The following HP1BP3 variants were observed in gnomAD, a reference collection of about 807,000 sequenced individuals.
HP1BP3 encodes heterochromatin protein 1-binding protein 3.
HP1BP3 carries 12 observed loss-of-function variants against 62.5 expected under a neutral mutation model. That is an observed-to-expected ratio of 0.19 (90% confidence interval 0.12 to 0.31). The LOEUF (loss-of-function observed/expected upper bound fraction) is 0.31, where lower values mean the gene tolerates loss of function less well. Among genes scored for constraint, HP1BP3 ranks in the 10% least tolerant of loss-of-function variants. The probability of loss-of-function intolerance (pLI) is 1.00; values close to 1 mark genes in which losing one functional copy is unlikely to be tolerated. For synonymous variants in HP1BP3, 260 were observed against 237.8 expected (o/e 1.09, Z -0.86); for missense variants, 502 against 651.8 (o/e 0.77, Z 2.50).
At chr1:20,786,875 G>A (rs943696542) in intron 1 of HP1BP3, among the ~76,000 whole-genome samples, 7 of 152,228 alleles carry the variant, frequency 4.6e-5, no homozygotes, top group Non-Finnish European at 8.8e-5. Context: ...GCGCTGGGAC[G>A]CAGGGTCGCA....
intron 9 of HP1BP3, among the ~76,000 whole-genome samples, chr1:20,753,540 T>G (rs1278368726): frequency 6.6e-6 from 1 of 152,194 alleles, no homozygotes; most frequent in Non-Finnish European, 1.5e-5. Flanking sequence ...ATGCCAACAT[T>G]TGGAAAATCT....
At position 20,740,774 on chromosome 1, in the gene HP1BP3, C is replaced by T. The variant is rs891657263; in HGVS notation, c.*4023G>A. ...TCAAAGCTGCAGTGAGCCAAGATCA[C>T]ACCACTGCGCTGCAGCCTTAGTGAC... On this transcript the variant is annotated 3_prime_UTR_variant, in exon 13 of 13. Transcript: ENST00000438032. Among the ~76,000 whole-genome samples the T allele has an allele frequency of 1.3e-5, 2 of 152,230 alleles. No homozygotes were observed. The highest frequency in any genetic ancestry group is 4.8e-5 in the African/African-American group (2 of 41,460).
At chr1:20,751,805 G>A (rs1439722103) in intron 9 of HP1BP3, among the ~76,000 whole-genome samples, 1 of 151,316 alleles carries the variant, frequency 6.6e-6, no homozygotes, top group Non-Finnish European at 1.5e-5. Context: ...TGAAAGGTGT[G>A]GTAACAAAGG....
At chr1:20,778,890 A>C (rs916931020) in intron 3 of HP1BP3, among the ~76,000 whole-genome samples, 14 of 151,892 alleles carry the variant, frequency 9.2e-5, no homozygotes, top group South Asian at 4.1e-4. Flanking sequence ...CCTGGGCTCA[A>C]GCAATTCTTG....
chr1:20,782,835 G>A (rs1335229127), intron 1 of HP1BP3, among the ~76,000 whole-genome samples: 6 of 147,424 alleles, frequency 4.1e-5, no homozygotes, highest in Non-Finnish European at 7.4e-5. Flanking sequence ...GGGAGGCGGA[G>A]ATTGCAGTGA....
chr1:20,742,677 G>T lies in HP1BP3; in HGVS notation c.*2120C>A, dbSNP rs761924595. ...ACCTTTAAATATAAGCTACGGTTCA[G>T]CAGCTTTTAAAATTTCATGTTTATT... On this transcript the variant is annotated 3_prime_UTR_variant, in exon 13 of 13. Coordinates refer to ENST00000438032, the MANE Select transcript of HP1BP3 (RefSeq NM_001372052.1). 3 of 152,570 alleles carry T rather than the reference G, an allele frequency of 2.0e-5. No individual in the cohort carries two copies. Among genetic ancestry groups the T allele is most frequent in the Non-Finnish European group, 4.4e-5 (3 of 68,038 alleles). 9.5% of individuals were successfully genotyped at this position (152,570 alleles called of 1,614,324 possible). A position where few individuals can be genotyped will look rare whatever the true frequency, so the allele number is the denominator to read the frequency against.
At chr1:20,780,591 C>T (rs2057498792) in intron 1 of HP1BP3, 51 bp from the exon 2 acceptor site, 1 of 588,290 alleles carries the variant, frequency 1.7e-6, no homozygotes, top group Non-Finnish European at 3.1e-6. Flanking sequence ...CAAAACTAAA[C>T]TAAAACGTCT....
At chr1:20,756,380 A>C (rs1487576465) in intron 9 of HP1BP3, among the ~76,000 whole-genome samples, 1 of 152,130 alleles carries the variant, frequency 6.6e-6, no homozygotes, top group African/African-American at 2.4e-5. Context: ...GCAAAAATGT[A>C]AACAGTGCCT....
chr1:20,767,572 T>A lies in HP1BP3; in HGVS notation c.735+12A>T, dbSNP rs113717726. ...GCTCCACAGCACTCAAACTGTGGTA[T>A]AGATGTCTTACCTTTCTGTTTCTGG... On this transcript the variant is annotated intron_variant, in intron 7 of 12. Coordinates refer to ENST00000438032, the MANE Select transcript of HP1BP3 (RefSeq NM_001372052.1). The A allele has an allele frequency of 6.4e-7, 1 of 1,569,524 alleles. No homozygotes were observed.
At chr1:20,768,071 A>G (rs1186798846) in intron 6 of HP1BP3, among the ~76,000 whole-genome samples, 1 of 152,232 alleles carries the variant, frequency 6.6e-6, no homozygotes, top group Admixed American at 6.5e-5. Context: ...CCTTGGAAAA[A>G]GTTTAGAGCC....
chr1:20,746,185 T>C (rs927543959), intron 11 of HP1BP3, among the ~76,000 whole-genome samples: 1 of 69,592 alleles, frequency 1.4e-5, no homozygotes, highest in South Asian at 5.2e-4. Context: ...TACATACATA[T>C]ATGTGTGTGT....
rs1361760230 is a variant in HP1BP3 at position 20,749,829 on chromosome 1, T to C, written c.1035A>G (p.Ala345=). 3 of 1,614,108 alleles carry C rather than the reference T, an allele frequency of 1.9e-6. No homozygotes were observed. The highest frequency in any genetic ancestry group is 1.7e-6 in the Non-Finnish European group (2 of 1,180,022). ...PLLGGSLMEY[A]ILSAIAAMNE... ...TCATGGCAGCAATGGCAGACAAGAT[T>C]GCATATTCCATCAGGCTTCCACCAA... is the stretch of plus-strand genomic sequence containing the variant. Residue 345 remains alanine (A), a synonymous_variant, in exon 10 of 13, where the codon GCA becomes GCG. Coordinates refer to ENST00000438032, the MANE Select transcript of HP1BP3 (RefSeq NM_001372052.1).
chr1:20,771,100 T>C (rs747283162), intron 5 of HP1BP3, 27 bp from the exon 6 acceptor site: 3 of 1,528,862 alleles, frequency 2.0e-6, no homozygotes, highest in South Asian at 2.5e-5. Context: ...AAACTAGTTG[T>C]TTTTTTTTAT....
intron 9 of HP1BP3, 107 bp downstream of exon 9, chr1:20,757,059 A>T (rs1172080721): frequency 1.6e-6 from 1 of 636,114 alleles, no homozygotes; most frequent in South Asian, 2.2e-5. Context: ...TAACCCACAT[A>T]AACAAAAGTT....
chr1:20,746,885 G>A (rs1054388826), intron 11 of HP1BP3, among the ~76,000 whole-genome samples: 7 of 152,104 alleles, frequency 4.6e-5, no homozygotes, highest in East Asian at 1.9e-4. Context: ...GTGTGGTGGC[G>A]CGCACCTGTA....
Position 20,747,635 on chromosome 1 carries a change from G to A in HP1BP3, c.1162C>T (p.Leu388=), listed in dbSNP as rs1234967315. Residue 388 remains leucine (L), a synonymous_variant, in exon 11 of 13, where the codon CTG becomes TTG. Coordinates refer to ENST00000438032, the MANE Select transcript of HP1BP3 (RefSeq NM_001372052.1). ...NYQMHLLKKT[L]QKCEKNGWME... is the part of the protein sequence containing the mutation. ...CACCCATTCTTTTCGCATTTCTGCA[G>A]GGTTTTTTTCAGCAAATGCACTGAA... is the stretch of plus-strand genomic sequence containing the variant. 1.2e-6 allele frequency: 2 copies of A among 1,612,696 alleles called. No individual in the cohort carries two copies. Among genetic ancestry groups the A allele is most frequent in the Non-Finnish European group, 8.5e-7 (1 of 1,179,408 alleles).
chr1:20,752,636 G>A (rs1226015229), intron 9 of HP1BP3, among the ~76,000 whole-genome samples: 1 of 151,946 alleles, frequency 6.6e-6, no homozygotes, highest in Non-Finnish European at 1.5e-5. Flanking sequence ...AGCAATGGTG[G>A]GTAAAACTGC....
At chr1:20,777,444 G>A (rs948708562) in intron 3 of HP1BP3, among the ~76,000 whole-genome samples, 8 of 151,984 alleles carry the variant, frequency 5.3e-5, no homozygotes, top group African/African-American at 1.9e-4. Flanking sequence ...TTCCCATAAA[G>A]AGAATTTTAT....
rs71014104 is a variant in HP1BP3 at position 20,759,880 on chromosome 1, A to ATTTTTTTT, written c.891-2632_891-2625dup. Among the ~76,000 whole-genome samples the ATTTTTTTT allele has an allele frequency of 3.1e-3, 353 of 112,992 alleles. 16 individuals are homozygous for ATTTTTTTT. Among genetic ancestry groups the ATTTTTTTT allele is most frequent in the African/African-American group, 0.011 (324 of 29,212 alleles). The allele number at this position is 112,992 out of a possible 152,430, so 74.1% of individuals were successfully genotyped here. A position where few individuals can be genotyped will look rare whatever the true frequency, so the allele number is the denominator to read the frequency against. On this transcript the variant is annotated intron_variant, in intron 8 of 12. Transcript: ENST00000438032. ...GCCTTGTGGGCCATTTTAAAGACCG[A>ATTTTTTTT]TTTTTTTTTTTTTTTTTTTTTGCCC...
Sources: gnomAD v4.1 joint callset for allele counts (sites outside exome capture counted in the v4.1 genomes callset) on GRCh38, gnomAD v4.1.1 for gene constraint, MANE v1.5 for transcripts, NCBI Gene and HGNC (gene_info 2026-07-23, HGNC 2026-07-21) for gene names.